The following TOX3 variants were observed in gnomAD, a reference collection of about 807,000 sequenced individuals.
The protein encoded by TOX3 is TOX high mobility group box family member 3.
TOX3 carries 22 observed loss-of-function variants against 64.3 expected under a neutral mutation model. The ratio of observed to expected loss-of-function variants is 0.34; its 90% confidence interval spans 0.24 to 0.49. The LOEUF is 0.49. Among genes scored for constraint, TOX3 ranks in the 20% least tolerant of loss-of-function variants. The probability of loss-of-function intolerance (pLI) is 0.99; values close to 1 mark genes in which losing one functional copy is unlikely to be tolerated. For synonymous variants in TOX3, 291 were observed against 273.6 expected, an observed-to-expected ratio of 1.06 and a Z score of -0.63; for missense variants, 661 against 714.4, an observed-to-expected ratio of 0.93 and a Z score of 0.85.
rs1230249723 is a variant in TOX3 at position 52,547,003 on chromosome 16, G to A, written c.-280C>T. 6.1e-5 allele frequency: 58 copies of A among 955,698 alleles called. No individual in the cohort carries two copies. The highest frequency in any genetic ancestry group is 6.5e-5 in the Non-Finnish European group (52 of 805,510). 59.2% of individuals were successfully genotyped at this position (955,698 alleles called of 1,614,324 possible). On this transcript the variant is annotated 5_prime_UTR_variant, in exon 1 of 7. Transcript: ENST00000219746. ...GCTGCGCGCGGGCCGGGCGCCGGGG[G>A]CGCGGGGCGCGGCGCTGGGGCCCGG...
At chr16:52,511,786 A>G (rs1962319013) in intron 1 of TOX3, among the ~76,000 whole-genome samples, 1 of 152,238 alleles carries the variant, frequency 6.6e-6, no homozygotes, top group African/African-American at 2.4e-5. Flanking sequence ...GAAAACAAGT[A>G]GTTTGAGAAC....
chr16:52,480,579 GA>G (rs1379509350), intron 1 of TOX3, among the ~76,000 whole-genome samples: 4 of 152,158 alleles, frequency 2.6e-5, no homozygotes, highest in African/African-American at 9.7e-5. Context: ...ATTTTTAAAT[GA>G]AAACCTTTTA....
At chr16:52,537,878 T>TAAAAAAAAAAAA (rs57403617) in intron 1 of TOX3, among the ~76,000 whole-genome samples, 2 of 111,038 alleles carry the variant, frequency 1.8e-5, no homozygotes, top group Non-Finnish European at 3.8e-5. Context: ...GCTGATATGA[T>TAAAAAAAAAAAA]AAAAAAAAAA....
intron 6 of TOX3, among the ~76,000 whole-genome samples, chr16:52,442,093 C>T (rs1960009537): frequency 6.6e-6 from 1 of 152,192 alleles, no homozygotes; most frequent in Admixed American, 6.5e-5. Flanking sequence ...CACTATTGTG[C>T]CTTTAAGATG....
At chr16:52,480,758 A>G (rs1290576224) in intron 1 of TOX3, among the ~76,000 whole-genome samples, 1 of 152,240 alleles carries the variant, frequency 6.6e-6, no homozygotes. Context: ...TCTAAAGTAT[A>G]AAATATAATG....
chr16:52,467,372 T>C (rs974366074), intron 2 of TOX3, among the ~76,000 whole-genome samples: 3 of 152,208 alleles, frequency 2.0e-5, no homozygotes, highest in Non-Finnish European at 4.4e-5. Flanking sequence ...ATCTAAACTG[T>C]CTTCTTGGTT....
rs1959802052 is a variant in TOX3 at position 52,438,020 on chromosome 16, C to G, written c.*1205G>C. On this transcript the variant is annotated 3_prime_UTR_variant, in exon 7 of 7. Coordinates refer to ENST00000219746, the MANE Select transcript of TOX3 (RefSeq NM_001080430.4). ...GAACCAAAAATGAAATCTGACATAT[C>G]ATTTTATTTGAAAAGTGAACAGTTT... The G allele has an allele frequency of 6.6e-6, 1 of 152,554 alleles. No individual in the cohort carries two copies. Among genetic ancestry groups the G allele is most frequent in the South Asian group, 2.1e-4 (1 of 4,828 alleles). The allele number at this position is 152,554 out of a possible 1,614,324, so 9.5% of individuals were successfully genotyped here. A position where few individuals can be genotyped will look rare whatever the true frequency, so the allele number is the denominator to read the frequency against.
At chr16:52,483,681 G>A (rs1434367125) in intron 1 of TOX3, among the ~76,000 whole-genome samples, 1 of 144,512 alleles carries the variant, frequency 6.9e-6, no homozygotes, top group Non-Finnish European at 1.5e-5. Flanking sequence ...TCATTCTCCT[G>A]CCTCAGCCTC....
At chr16:52,526,309 G>A (rs201199616) in intron 1 of TOX3, among the ~76,000 whole-genome samples, 1 of 152,062 alleles carries the variant, frequency 6.6e-6, no homozygotes, top group South Asian at 2.1e-4. Flanking sequence ...AGGAGATGAG[G>A]GCACACTGAA....
rs1250270486 is a variant in TOX3 at position 52,439,515 on chromosome 16, GCTGCTGCTGCATCTGCTGCTGGAT to G, written c.1417_1440del (p.Ile473_Gln480del). 1 of 1,412,936 alleles carries G rather than the reference GCTGCTGCTGCATCTGCTGCTGGAT, an allele frequency of 7.1e-7. No homozygotes were observed. Among genetic ancestry groups the G allele is most frequent in the African/African-American group, 1.4e-5 (1 of 70,110 alleles). The allele number at this position is 1,412,936 out of a possible 1,614,324, so 87.5% of individuals were successfully genotyped here. On this transcript the variant is annotated inframe_deletion, in exon 7 of 7. Transcript: ENST00000219746. ...TGCTGCTGCATGTGGTGCTGGAAAT[GCTGCTGCTGCATCTGCTGCTGGAT>G]TTGCTGATGCATTTGGTGCTGCTGG...
chr16:52,508,342 A>G (rs1405085240), intron 1 of TOX3, among the ~76,000 whole-genome samples: 3 of 152,212 alleles, frequency 2.0e-5, no homozygotes, highest in Admixed American at 6.5e-5. Flanking sequence ...ATTCTTGCAC[A>G]TGTGCAACAG....
At chr16:52,515,294 A>G (rs2077164311) in intron 1 of TOX3, among the ~76,000 whole-genome samples, 2 of 152,000 alleles carry the variant, frequency 1.3e-5, no homozygotes, top group East Asian at 1.9e-4. Flanking sequence ...GCCAGATAGT[A>G]TGGTTTCCTA....
At chr16:52,510,759 CAAAAAAA>C (rs71376169) in intron 1 of TOX3, among the ~76,000 whole-genome samples, 1 of 72,082 alleles carries the variant, frequency 1.4e-5, no homozygotes, top group East Asian at 4.2e-4. Context: ...GACCCTGTCT[CAAAAAAA>C]AAAAAAAAAA....
chr16:52,508,758 A>G (rs1181945147), intron 1 of TOX3, among the ~76,000 whole-genome samples: 1 of 152,196 alleles, frequency 6.6e-6, no homozygotes, highest in Non-Finnish European at 1.5e-5. Context: ...AAAATTATTG[A>G]TAACTTTCAA....
intron 1 of TOX3, among the ~76,000 whole-genome samples, chr16:52,483,153 C>T (rs7198218): frequency 1.2e-4 from 19 of 152,306 alleles, no homozygotes; most frequent in Admixed American, 4.6e-4. Flanking sequence ...AGGAAAACCA[C>T]GCCTTCAACA....
At chr16:52,508,357 C>T (rs1347152309) in intron 1 of TOX3, among the ~76,000 whole-genome samples, 1 of 152,178 alleles carries the variant, frequency 6.6e-6, no homozygotes, top group Admixed American at 6.5e-5. Flanking sequence ...CAACAGCGTG[C>T]ATACACAAGG....
At chr16:52,473,386 G>C (rs1017088128) in intron 1 of TOX3, among the ~76,000 whole-genome samples, 1 of 151,674 alleles carries the variant, frequency 6.6e-6, no homozygotes, top group Non-Finnish European at 1.5e-5. Flanking sequence ...ATAATCCTTC[G>C]AATTCTCTTT....
At chr16:52,538,347 T>C (rs767768698) in intron 1 of TOX3, among the ~76,000 whole-genome samples, 5 of 152,202 alleles carry the variant, frequency 3.3e-5, no homozygotes, top group Non-Finnish European at 1.5e-5. Flanking sequence ...AGGAGATTTT[T>C]TAAAGAAACT....
At chr16:52,542,688 G>C (rs763453850) in intron 1 of TOX3, among the ~76,000 whole-genome samples, 1 of 152,080 alleles carries the variant, frequency 6.6e-6, no homozygotes, top group Non-Finnish European at 1.5e-5. Context: ...AAGGCTCTTA[G>C]GAAAACCTTA....
Sources: allele counts gnomAD v4.1 joint callset (sites outside exome capture counted in the v4.1 genomes callset), GRCh38; gene constraint gnomAD v4.1.1; transcripts MANE v1.5; gene names NCBI Gene and HGNC (gene_info 2026-07-23, HGNC 2026-07-21).